Variants in PKP4 observed in about 807,000 individuals in gnomAD.
PKP4 encodes plakophilin-4.
Under a neutral mutation model 145.1 loss-of-function variants are expected in PKP4, and 90 were observed. That is an observed-to-expected ratio of 0.62 (90% CI 0.52 to 0.74). PKP4 has a LOEUF of 0.74. Among genes scored for constraint, PKP4 ranks in the 30% least tolerant of loss-of-function variants. PKP4 has a pLI of 0.00. For missense variants in PKP4, 1,340 were observed against 1,482.7 expected, an observed-to-expected ratio of 0.90 and a Z score of 1.58; for synonymous variants, 563 against 577.2, an observed-to-expected ratio of 0.98 and a Z score of 0.35.
chr2:158,677,664 G>GTCTT (rs1257307058), intron 20 of PKP4, among the ~76,000 whole-genome samples: 4 of 152,186 alleles, frequency 2.6e-5, no homozygotes, highest in East Asian at 3.8e-4. Context: ...TTGTACTGTT[G>GTCTT]TCTTTGAAAT....
At chr2:158,648,322 T>G (rs2105946069) in intron 11 of PKP4, among the ~76,000 whole-genome samples, 1 of 152,328 alleles carries the variant, frequency 6.6e-6, no homozygotes, top group Middle Eastern at 3.4e-3. Context: ...TAGCTCCATA[T>G]TTTTAATTCG....
intron 2 of PKP4, among the ~76,000 whole-genome samples, chr2:158,538,698 C>T (rs761242371): frequency 9.9e-5 from 15 of 152,064 alleles, no homozygotes; most frequent in Non-Finnish European, 2.2e-4. Context: ...TCTGCCACTA[C>T]ACCCAGTTAA....
intron 3 of PKP4, among the ~76,000 whole-genome samples, chr2:158,580,396 G>C (rs1257098822): frequency 6.6e-6 from 1 of 152,036 alleles, no homozygotes; most frequent in Non-Finnish European, 1.5e-5. Context: ...GGTTGACCAG[G>C]GAAAGGAGGA....
intron 1 of PKP4, among the ~76,000 whole-genome samples, chr2:158,516,010 A>C (rs1050220785): frequency 3.4e-5 from 5 of 148,098 alleles, no homozygotes; most frequent in African/African-American, 1.3e-4. Context: ...GTGCCACTGT[A>C]CTCCAGCCTG....
At chr2:158,576,341 C>A (rs994188457) in intron 2 of PKP4, among the ~76,000 whole-genome samples, 1 of 152,188 alleles carries the variant, frequency 6.6e-6, no homozygotes, top group South Asian at 2.1e-4. Flanking sequence ...TTTGAACTAG[C>A]AGTCATCAAA....
At chr2:158,460,942 C>T (rs1689671043) in intron 1 of PKP4, among the ~76,000 whole-genome samples, 2 of 152,148 alleles carry the variant, frequency 1.3e-5, no homozygotes, top group Admixed American at 6.5e-5. Flanking sequence ...GACAACACTA[C>T]AGACAGCTGC....
intron 3 of PKP4, among the ~76,000 whole-genome samples, chr2:158,599,953 G>C (rs1365289303): frequency 6.6e-6 from 1 of 152,170 alleles, no homozygotes; most frequent in African/African-American, 2.4e-5. Flanking sequence ...ATATTGCACA[G>C]CTGTCAATGT....
chr2:158,646,471 T>C (rs1411552649), intron 11 of PKP4, among the ~76,000 whole-genome samples: 4 of 150,872 alleles, frequency 2.7e-5, no homozygotes, highest in African/African-American at 9.9e-5. Flanking sequence ...ACAATATAAA[T>C]CTAGCATAGT....
In PKP4 at chr2:158,596,249, G is replaced by A. The variant is rs144491247; in HGVS notation, c.246-6821G>A. ...TTGAAAGTAAGATAATAAAGAATTG[G>A]TGGAAAAAGAGAGAAATGCAGTTTG... On this transcript the variant is annotated intron_variant, in intron 3 of 21. Coordinates refer to ENST00000389759, the MANE Select transcript of PKP4 (RefSeq NM_003628.6). Among the ~76,000 whole-genome samples, 7 of 152,220 alleles carry A rather than the reference G, an allele frequency of 4.6e-5. No individual in the cohort carries two copies. In the East Asian group the frequency reaches 1.4e-3, roughly 29 times the overall value.
At chr2:158,550,402 T>C (rs2045515488) in intron 2 of PKP4, among the ~76,000 whole-genome samples, 2 of 152,220 alleles carry the variant, frequency 1.3e-5, no homozygotes, top group South Asian at 2.1e-4. Flanking sequence ...AATGTAGTCA[T>C]GTAACCATAA....
At chr2:158,591,641 C>T (rs1042549476) in intron 3 of PKP4, among the ~76,000 whole-genome samples, 2 of 151,838 alleles carry the variant, frequency 1.3e-5, no homozygotes, top group Non-Finnish European at 2.9e-5. Context: ...AAAAATTAAC[C>T]ATAATTTCAA....
intron 1 of PKP4, among the ~76,000 whole-genome samples, chr2:158,516,646 T>TTA (rs2041962607): frequency 6.6e-6 from 1 of 151,332 alleles, no homozygotes; most frequent in Non-Finnish European, 1.5e-5. Context: ...GTACACTGGA[T>TTA]TATATACTTT....
intron 1 of PKP4, among the ~76,000 whole-genome samples, chr2:158,498,499 A>G (rs1696080254): frequency 6.6e-6 from 1 of 152,216 alleles, no homozygotes; most frequent in South Asian, 2.1e-4. Context: ...AGTTTTCCAA[A>G]AAGGTTAACT....
At chr2:158,469,934 G>C (rs1179154741) in intron 1 of PKP4, among the ~76,000 whole-genome samples, 2 of 151,904 alleles carry the variant, frequency 1.3e-5, no homozygotes, top group Non-Finnish European at 2.9e-5. Context: ...TCTTCTTCAG[G>C]GTCTAACTCA....
intron 1 of PKP4, among the ~76,000 whole-genome samples, chr2:158,494,941 G>A (rs545433430): frequency 3.3e-5 from 5 of 151,918 alleles, no homozygotes; most frequent in Non-Finnish European, 7.4e-5. Context: ...TGAGGTGGCC[G>A]GGCGCGGTGG....
intron 3 of PKP4, among the ~76,000 whole-genome samples, chr2:158,579,983 T>C (rs1481315554): frequency 6.6e-6 from 1 of 152,114 alleles, no homozygotes; most frequent in African/African-American, 2.4e-5. Context: ...CAATTTAAGA[T>C]AGTGGAACCT....
chr2:158,628,941 T>A (rs752021544), intron 7 of PKP4, among the ~76,000 whole-genome samples: 2 of 152,140 alleles, frequency 1.3e-5, no homozygotes, highest in Non-Finnish European at 2.9e-5. Context: ...TGTGGCTCTG[T>A]TGGGTGTTAC....
At chr2:158,586,687 A>T (rs1292251832) in intron 3 of PKP4, among the ~76,000 whole-genome samples, 1 of 152,240 alleles carries the variant, frequency 6.6e-6, no homozygotes, top group Non-Finnish European at 1.5e-5. Context: ...CATCTGAAAG[A>T]TACCAAATGA....
At position 158,520,673 on chromosome 2, in the gene PKP4, T is replaced by C. The variant is rs191678671; in HGVS notation, c.-5-12507T>C. Among the ~76,000 whole-genome samples, 7 of 152,378 alleles carry C rather than the reference T, an allele frequency of 4.6e-5. No homozygotes were observed. The South Asian group carries it at 6.2e-4, about 14-fold the overall frequency. ...TGCCGCCCATGTCGGGCTAGCACTT[T>C]AGAAGTTCTTCATGTGCCTCTCTGA... On this transcript the variant is annotated intron_variant, in intron 1 of 21. Transcript: ENST00000389759.
Sources: allele counts gnomAD v4.1 joint callset (sites outside exome capture counted in the v4.1 genomes callset), GRCh38; gene constraint gnomAD v4.1.1; transcripts MANE v1.5; gene names NCBI Gene and HGNC (gene_info 2026-07-23, HGNC 2026-07-21).